Variants in TMEM117 observed in about 807,000 individuals in gnomAD.
The protein encoded by TMEM117 is transmembrane protein 117.
A neutral mutation model predicts 52.4 loss-of-function variants in TMEM117; 27 were observed. The ratio of observed to expected loss-of-function variants is 0.51; its 90% CI spans 0.38 to 0.71. The LOEUF is 0.71. Ranked by LOEUF, TMEM117 falls within the 30% of genes least tolerant of loss-of-function variation. TMEM117 has a pLI of 0.00. For missense variants in TMEM117, 556 were observed against 630.5 expected, an observed-to-expected ratio of 0.88 and a Z score of 1.26; for synonymous variants, 215 against 206.3, an observed-to-expected ratio of 1.04 and a Z score of -0.36.
intron 6 of TMEM117, among the ~76,000 whole-genome samples, chr12:44,363,825 T>C (rs1296391662): frequency 6.6e-6 from 1 of 152,164 alleles, no homozygotes; most frequent in African/African-American, 2.4e-5. Flanking sequence ...TTAGAGTGAA[T>C]TTTTCATTTG....
chr12:44,242,256 A>T (rs1374880546), intron 5 of TMEM117, among the ~76,000 whole-genome samples: 2 of 151,646 alleles, frequency 1.3e-5, no homozygotes, highest in Admixed American at 1.3e-4. Context: ...CCTAGTACCC[A>T]ATAGTTATTT....
At chr12:44,284,893 A>G (rs1007094911) in intron 5 of TMEM117, among the ~76,000 whole-genome samples, 2 of 152,214 alleles carry the variant, frequency 1.3e-5, no homozygotes, top group African/African-American at 2.4e-5. Context: ...AAGATTAACT[A>G]TGTTCTATAC....
At chr12:44,175,636 T>C (rs1949107135) in intron 4 of TMEM117, among the ~76,000 whole-genome samples, 3 of 152,200 alleles carry the variant, frequency 2.0e-5, no homozygotes, top group Admixed American at 2.0e-4. Context: ...GGTGACATGA[T>C]GGCCAAGGTA....
the TMEM117 span, among the ~76,000 whole-genome samples, chr12:43,819,555 A>C: frequency 6.6e-6 from 1 of 152,256 alleles, no homozygotes; most frequent in African/African-American, 2.4e-5. Flanking sequence ...CAGGCGGATC[A>C]CGAGGTCAAG....
At position 43,888,691 on chromosome 12, in the gene TMEM117, G is replaced by T. The variant is rs1482188099; in HGVS notation, c.277+43763G>T. Reference sequence around the variant, plus strand: ...GCCTCCCGAGTAGCTGGGACTACAGGTGCCTGCCACCACACCTGGCTAATT... The same window carrying T: ...GCCTCCCGAGTAGCTGGGACTACAGTTGCCTGCCACCACACCTGGCTAATT... On this transcript the variant is annotated intron_variant, in intron 2 of 7. Transcript: ENST00000266534. Among the ~76,000 whole-genome samples the T allele has an allele frequency of 9.2e-5, 14 of 151,810 alleles. No individual in the cohort carries two copies. In the East Asian group the frequency reaches 2.7e-3, roughly 30 times the overall value.
chr12:43,980,765 G>C (rs914630102), intron 3 of TMEM117, among the ~76,000 whole-genome samples: 11 of 152,324 alleles, frequency 7.2e-5, no homozygotes, highest in Admixed American at 2.0e-4. Flanking sequence ...CAGGTATCCA[G>C]TGAAAGAGCA....
the TMEM117 span, chr12:43,802,361 T>G: frequency 6.2e-7 from 1 of 1,602,798 alleles, no homozygotes; most frequent in Non-Finnish European, 8.5e-7. Flanking sequence ...ACCTGAATAA[T>G]ATATAGCATG....
chr12:44,326,241 A>G (rs1308772319), intron 6 of TMEM117, among the ~76,000 whole-genome samples: 1 of 152,174 alleles, frequency 6.6e-6, no homozygotes. Flanking sequence ...TCTGAATGTT[A>G]GAAAGCCCAA....
chr12:43,842,741 C>G (rs996862376), intron 1 of TMEM117, among the ~76,000 whole-genome samples: 2 of 151,162 alleles, frequency 1.3e-5, no homozygotes, highest in African/African-American at 2.5e-5. Flanking sequence ...CACACACACA[C>G]GTGCACGCAC....
chr12:44,221,861 G>A (rs1342926518), intron 5 of TMEM117, among the ~76,000 whole-genome samples: 1 of 151,972 alleles, frequency 6.6e-6, no homozygotes, highest in Non-Finnish European at 1.5e-5. Flanking sequence ...ACCACGCCCA[G>A]CTAATTTTTG....
At chr12:43,865,251 TG>T (rs1354094564) in intron 2 of TMEM117, among the ~76,000 whole-genome samples, 4 of 152,154 alleles carry the variant, frequency 2.6e-5, no homozygotes, top group Non-Finnish European at 5.9e-5. Context: ...AGACAGAGTT[TG>T]GGGTTTGAGT....
chr12:44,139,113 TGAGA>T (rs376317032), intron 3 of TMEM117, among the ~76,000 whole-genome samples: 2 of 152,160 alleles, frequency 1.3e-5, no homozygotes, highest in African/African-American at 4.8e-5. Context: ...CAAACATGGC[TGAGA>T]GAGACAGCTG....
chr12:43,992,440 T>C (rs1945958882), intron 3 of TMEM117, among the ~76,000 whole-genome samples: 2 of 151,898 alleles, frequency 1.3e-5, no homozygotes, highest in South Asian at 4.2e-4. Flanking sequence ...GCTAATTTCT[T>C]TTTTGTTTTT....
At chr12:44,248,272 A>G (rs1442056057) in intron 5 of TMEM117, among the ~76,000 whole-genome samples, 3 of 152,166 alleles carry the variant, frequency 2.0e-5, no homozygotes, top group African/African-American at 7.2e-5. Flanking sequence ...CACCATTTAC[A>G]TAGACCAAAC....
chr12:44,299,888 T>G (rs1022609846), intron 6 of TMEM117, 149 bp downstream of exon 6: 61 of 1,092,156 alleles, frequency 5.6e-5, no homozygotes, highest in Admixed American at 7.4e-5. Flanking sequence ...TATTTTCAGC[T>G]ATTATACTGG....
upstream of TMEM117, among the ~76,000 whole-genome samples, chr12:43,834,411 A>G (rs951245351): frequency 6.6e-6 from 1 of 152,236 alleles, no homozygotes; most frequent in African/African-American, 2.4e-5. Context: ...CATGAGTAAG[A>G]TTTAATCTCT....
chr12:43,904,107 A>C (rs1944346797), intron 2 of TMEM117, among the ~76,000 whole-genome samples: 1 of 152,254 alleles, frequency 6.6e-6, no homozygotes, highest in African/African-American at 2.4e-5. Flanking sequence ...TTGCATGAAC[A>C]ACTTGACATG....
chr12:44,250,667 A>C (rs1950186302), intron 5 of TMEM117, among the ~76,000 whole-genome samples: 2 of 152,184 alleles, frequency 1.3e-5, no homozygotes, highest in Non-Finnish European at 2.9e-5. Context: ...CATGAAAAGG[A>C]ATGAGATCAT....
chr12:44,111,697 G>T (rs1307376469), intron 3 of TMEM117, among the ~76,000 whole-genome samples: 2 of 140,750 alleles, frequency 1.4e-5, no homozygotes, highest in Admixed American at 6.8e-5. Context: ...ATTTGGGGTG[G>T]AGAGTTCTGT....
Sources: gnomAD v4.1 joint callset for allele counts (sites outside exome capture counted in the v4.1 genomes callset) on GRCh38, gnomAD v4.1.1 for gene constraint, MANE v1.5 for transcripts, NCBI Gene and HGNC (gene_info 2026-07-23, HGNC 2026-07-21) for gene names.